Variants in RNF144A observed in about 807,000 individuals in gnomAD.
RNF144A encodes E3 ubiquitin-protein ligase RNF144A.
RNF144A carries 11 observed loss-of-function variants against 38.7 expected under a neutral mutation model. That is an observed-to-expected ratio of 0.28 (90% CI 0.18 to 0.47). The LOEUF (loss-of-function observed/expected upper bound fraction) is 0.47, where lower values mean the gene tolerates loss of function less well. Ranked by LOEUF, RNF144A falls within the 20% of genes least tolerant of loss-of-function variation. The pLI, the probability that RNF144A is intolerant of heterozygous loss-of-function variation, is 0.99. For missense variants in RNF144A, 316 were observed against 377.2 expected, an observed-to-expected ratio of 0.84 and a Z score of 1.34; for synonymous variants, 149 against 143.9, an observed-to-expected ratio of 1.04 and a Z score of -0.25.
intron 3 of RNF144A, among the ~76,000 whole-genome samples, chr2:7,013,425 A>G (rs979524144): frequency 6.6e-6 from 1 of 152,258 alleles, no homozygotes; most frequent in Non-Finnish European, 1.5e-5. Flanking sequence ...CTCAGCAAAC[A>G]TAGCTTATTA....
At position 7,064,998 on chromosome 2, in the gene RNF144A, G is replaced by T. The variant is rs369234013; in HGVS notation, c.735-3218G>T. ...ATCATAGATAAATAAAACTTTCTGT[G>T]ACAATCTACATTCTGAGACAGCTCT... On this transcript the variant is annotated intron_variant, in intron 6 of 6. Transcript: ENST00000432850. Among the ~76,000 whole-genome samples the T allele has an allele frequency of 3.9e-5, 6 of 152,258 alleles. 1 individual carries two copies. Among genetic ancestry groups the T allele is most frequent in the Middle Eastern group, 3.4e-3 (1 of 294 alleles).
chr2:6,994,630 A>C (rs906317645), intron 2 of RNF144A, among the ~76,000 whole-genome samples: 9 of 152,064 alleles, frequency 5.9e-5, no homozygotes, highest in Admixed American at 5.9e-4. Context: ...GACGCCTCCA[A>C]TTATCTCACT....
chr2:6,969,792 C>T (rs890253213), intron 2 of RNF144A, among the ~76,000 whole-genome samples: 20 of 152,166 alleles, frequency 1.3e-4, no homozygotes, highest in Admixed American at 2.6e-4. Flanking sequence ...CAGACAGTCT[C>T]GCTGTGTCGC....
downstream of RNF144A, among the ~76,000 whole-genome samples, chr2:7,046,862 A>T (rs1673328542): frequency 6.6e-6 from 1 of 152,228 alleles, no homozygotes; most frequent in African/African-American, 2.4e-5. Context: ...GGGTCTTTTT[A>T]AAATATATTT....
At chr2:7,071,931 C>T (rs1164347038), downstream of RNF144A, among the ~76,000 whole-genome samples, 1 of 152,220 alleles carries the variant, frequency 6.6e-6, no homozygotes, top group African/African-American at 2.4e-5. Context: ...AGAAATTCCT[C>T]CTGGAACTCC....
intron 2 of RNF144A, among the ~76,000 whole-genome samples, chr2:6,966,613 C>T (rs1452293761): frequency 1.3e-5 from 2 of 152,324 alleles, no homozygotes; most frequent in East Asian, 3.9e-4. Context: ...TTAATAGTAG[C>T]CAAGTTCCTT....
At chr2:7,051,603 T>C (rs1673530699) in intron 6 of RNF144A, among the ~76,000 whole-genome samples, 1 of 152,072 alleles carries the variant, frequency 6.6e-6, no homozygotes, top group African/African-American at 2.4e-5. Flanking sequence ...AAAAAGACAG[T>C]TGAGGGCAGG....
chr2:6,977,656 C>T (rs981064433), intron 2 of RNF144A, among the ~76,000 whole-genome samples: 12 of 152,232 alleles, frequency 7.9e-5, no homozygotes, highest in Non-Finnish European at 1.5e-4. Context: ...CAGGAGCTTT[C>T]TCCCAGGCAG....
chr2:6,924,823 T>A (rs1449921657), intron 1 of RNF144A, among the ~76,000 whole-genome samples: 4 of 152,262 alleles, frequency 2.6e-5, no homozygotes, highest in Admixed American at 2.6e-4. Context: ...CTGTATTCTC[T>A]GTCTCTGAGG....
At chr2:7,046,033 C>T (rs2103469707), downstream of RNF144A, among the ~76,000 whole-genome samples, 1 of 152,348 alleles carries the variant, frequency 6.6e-6, no homozygotes, top group South Asian at 2.1e-4. Flanking sequence ...GTCTTATCAA[C>T]TCTTAGAGGA....
chr2:7,033,542 C>A (rs1229307846), intron 8 of RNF144A, among the ~76,000 whole-genome samples: 2 of 152,244 alleles, frequency 1.3e-5, no homozygotes, highest in Non-Finnish European at 2.9e-5. Context: ...CTGGCCGTTG[C>A]TGCCAGCTTG....
chr2:7,051,173 G>A (rs1215742612), intron 6 of RNF144A, among the ~76,000 whole-genome samples: 1 of 152,044 alleles, frequency 6.6e-6, no homozygotes, highest in Middle Eastern at 3.2e-3. Flanking sequence ...AATTGGGGTC[G>A]GGGATGGAGA....
chr2:7,052,208 G>A (rs538396570), intron 6 of RNF144A, among the ~76,000 whole-genome samples: 1 of 152,242 alleles, frequency 6.6e-6, no homozygotes, highest in East Asian at 1.9e-4. Flanking sequence ...GCTGGCCGTG[G>A]CAAACATGAG....
At chr2:6,922,221 G>A (rs551311414) in intron 1 of RNF144A, among the ~76,000 whole-genome samples, 2 of 146,592 alleles carry the variant, frequency 1.4e-5, no homozygotes, top group Non-Finnish European at 1.5e-5. Flanking sequence ...CATGTCTTCC[G>A]AGTGACCCAT....
intron 7 of RNF144A, among the ~76,000 whole-genome samples, chr2:7,028,460 T>C (rs901452311): frequency 1.3e-5 from 2 of 152,210 alleles, no homozygotes; most frequent in Non-Finnish European, 2.9e-5. Context: ...TTCCAAAAGC[T>C]GTCCAGGTGG....
At chr2:6,949,092 C>A (rs1483388214) in intron 2 of RNF144A, among the ~76,000 whole-genome samples, 1 of 152,174 alleles carries the variant, frequency 6.6e-6, no homozygotes, top group African/African-American at 2.4e-5. Context: ...TTGCCCAATT[C>A]TAGTTGAAAA....
intron 2 of RNF144A, among the ~76,000 whole-genome samples, chr2:6,994,165 C>T (rs1490377921): frequency 1.3e-5 from 2 of 152,144 alleles, no homozygotes; most frequent in African/African-American, 4.8e-5. Context: ...AGAACTTGTA[C>T]CCAGTGCTTT....
intron 3 of RNF144A, among the ~76,000 whole-genome samples, chr2:6,998,995 C>CT (rs1242111798): frequency 1.3e-5 from 2 of 152,156 alleles, no homozygotes; most frequent in Non-Finnish European, 2.9e-5. Flanking sequence ...TTCTCCCTGG[C>CT]TTTTTTGCTG....
intron 2 of RNF144A, chr2:6,996,703 A>G: frequency 1.8e-6 from 1 of 540,830 alleles, no homozygotes; most frequent in Non-Finnish European, 3.3e-6. Context: ...GCAGTGAGCT[A>G]GATTGCACCA....
Sources: allele counts gnomAD v4.1 joint callset (sites outside exome capture counted in the v4.1 genomes callset), GRCh38; gene constraint gnomAD v4.1.1; transcripts MANE v1.5; gene names NCBI Gene and HGNC (gene_info 2026-07-23, HGNC 2026-07-21).